CSMD3: variants seen among roughly 807,000 people sequenced by gnomAD.
The protein encoded by CSMD3 is CUB and Sushi multiple domains 3, also known as CUB and sushi domain-containing protein 3.
Under a neutral mutation model 435.2 loss-of-function variants are expected in CSMD3, and 177 were observed. The observed-to-expected ratio is 0.41, with a 90% CI of 0.36 to 0.46. The LOEUF is 0.46. Ranked by LOEUF, CSMD3 falls within the 20% of genes least tolerant of loss-of-function variation. CSMD3 has a pLI of 0.34. For missense variants in CSMD3, 4,265 were observed against 4,504.6 expected (o/e 0.95, Z 1.52); for synonymous variants, 1,656 against 1,520.5 (o/e 1.09, Z -2.07).
chr8:113,409,447 C>T (rs1277979857), intron 1 of CSMD3, among the ~76,000 whole-genome samples: 1 of 151,994 alleles, frequency 6.6e-6, no homozygotes, highest in Non-Finnish European at 1.5e-5. Flanking sequence ...TTTAGGCATG[C>T]CTTTATTCTC....
intron 13 of CSMD3, among the ~76,000 whole-genome samples, chr8:112,771,175 A>G (rs1275537994): frequency 2.6e-5 from 4 of 152,100 alleles, no homozygotes; most frequent in Non-Finnish European, 5.9e-5. Flanking sequence ...TGCAAGGAGA[A>G]AGTCAAACAT....
At chr8:113,125,831 G>A (rs1202154837) in intron 4 of CSMD3, among the ~76,000 whole-genome samples, 4 of 151,804 alleles carry the variant, frequency 2.6e-5, no homozygotes, top group South Asian at 2.1e-4. Context: ...GAGAGGAAAA[G>A]GAGTTATGGA....
At chr8:112,433,767 A>G (rs1814012651) in intron 32 of CSMD3, among the ~76,000 whole-genome samples, 2 of 152,170 alleles carry the variant, frequency 1.3e-5, no homozygotes, top group South Asian at 2.1e-4. Flanking sequence ...AAATGACTAC[A>G]GCAGACTTTT....
At chr8:113,239,951 C>T (rs2132236806) in intron 3 of CSMD3, among the ~76,000 whole-genome samples, 1 of 152,102 alleles carries the variant, frequency 6.6e-6, no homozygotes, top group East Asian at 1.9e-4. Context: ...TTTCATCACC[C>T]ATATATCAAG....
At chr8:113,305,493 T>C (rs2132620106) in intron 2 of CSMD3, among the ~76,000 whole-genome samples, 1 of 152,324 alleles carries the variant, frequency 6.6e-6, no homozygotes, top group Admixed American at 6.5e-5. Flanking sequence ...CTACAAAAGA[T>C]TGAATAAATA....
Position 112,550,681 on chromosome 8 carries a change from A to G in CSMD3, c.4554T>C (p.Ile1518=), listed in dbSNP as rs779875706. 6.3e-7 allele frequency: 1 copy of G among 1,593,564 alleles called. No individual in the cohort carries two copies. Among genetic ancestry groups the G allele is most frequent in the Non-Finnish European group, 8.6e-7 (1 of 1,161,898 alleles). ...TTTGAAAAAACTTACTTGAAAACTG[A>G]ATTGCAAATCCAGATTTGCTAATAT... The part of the protein sequence containing the change: ...DFYISKSGFA[I]QFSSSVATAC... Residue 1518 remains isoleucine, a synonymous_variant, in exon 27 of 71, where the codon ATT becomes ATC. Coordinates refer to ENST00000297405, the MANE Select transcript of CSMD3 (RefSeq NM_198123.2).
At chr8:113,146,635 G>A (rs1221678745) in intron 4 of CSMD3, among the ~76,000 whole-genome samples, 1 of 151,596 alleles carries the variant, frequency 6.6e-6, no homozygotes, top group African/African-American at 2.4e-5. Flanking sequence ...AGGTATGCAA[G>A]CCAGAATGAA....
At chr8:113,150,480 A>G (rs1380781371) in intron 4 of CSMD3, among the ~76,000 whole-genome samples, 3 of 151,954 alleles carry the variant, frequency 2.0e-5, no homozygotes, top group Non-Finnish European at 4.4e-5. Flanking sequence ...AATTCTGACA[A>G]TCAATAATCT....
intron 2 of CSMD3, among the ~76,000 whole-genome samples, chr8:113,284,503 T>C (rs1392246243): frequency 6.6e-6 from 1 of 152,200 alleles, no homozygotes; most frequent in Non-Finnish European, 1.5e-5. Context: ...TTCCCCATGT[T>C]AACCTCAAAA....
intron 36 of CSMD3, among the ~76,000 whole-genome samples, chr8:112,387,524 G>A (rs1372862784): frequency 1.3e-5 from 2 of 149,542 alleles, no homozygotes; most frequent in African/African-American, 4.9e-5. Flanking sequence ...CTATGACTCA[G>A]TGATATGTCT....
At chr8:112,987,816 G>A (rs1237888225) in intron 6 of CSMD3, among the ~76,000 whole-genome samples, 1 of 151,944 alleles carries the variant, frequency 6.6e-6, no homozygotes, top group African/African-American at 2.4e-5. Flanking sequence ...CCCTCGGCAG[G>A]ATTTTCATGC....
At chr8:113,327,432 G>A (rs1231986517) in intron 1 of CSMD3, among the ~76,000 whole-genome samples, 1 of 152,112 alleles carries the variant, frequency 6.6e-6, no homozygotes. Context: ...ATTAATATAA[G>A]GGGTGTTTTT....
At chr8:112,928,245 A>G (rs2082977122) in intron 9 of CSMD3, among the ~76,000 whole-genome samples, 1 of 152,178 alleles carries the variant, frequency 6.6e-6, no homozygotes, top group South Asian at 2.1e-4. Flanking sequence ...GCCCTAGGCA[A>G]GTGCATTAGT....
chr8:113,268,407 C>T lies in CSMD3; in HGVS notation c.514+10185G>A, dbSNP rs567942689. Among the ~76,000 whole-genome samples, 92 of 151,894 alleles carry T rather than the reference C, an allele frequency of 6.1e-4. No homozygotes were observed. The Middle Eastern group carries it at 0.01, about 17-fold the overall frequency. On this transcript the variant is annotated intron_variant, in intron 3 of 70. Transcript: ENST00000297405. ...CATTAAAACATATAAAACCTAAGTT[C>T]TGTGAAACAAACTTTGGGAAATTCA... is the stretch of plus-strand genomic sequence containing the variant.
chr8:112,939,728 G>A (rs2083392248), intron 9 of CSMD3, among the ~76,000 whole-genome samples: 1 of 151,974 alleles, frequency 6.6e-6, no homozygotes, highest in South Asian at 2.1e-4. Context: ...ACCCTTGAAA[G>A]GAGATCAGAT....
intron 19 of CSMD3, among the ~76,000 whole-genome samples, chr8:112,646,408 T>TTG (rs1171860682): frequency 2.6e-5 from 4 of 152,080 alleles, no homozygotes; most frequent in Non-Finnish European, 4.4e-5. Flanking sequence ...ATCTGCGTGT[T>TTG]TGTGTGTGTG....
intron 13 of CSMD3, among the ~76,000 whole-genome samples, chr8:112,775,025 AC>A (rs2078210868): frequency 6.6e-6 from 1 of 151,774 alleles, no homozygotes; most frequent in Admixed American, 6.6e-5. Context: ...AGGATTATAC[AC>A]TGCTTTTTAT....
At chr8:112,317,402 G>A (rs1045371660) in intron 47 of CSMD3, among the ~76,000 whole-genome samples, 16 of 152,118 alleles carry the variant, frequency 1.1e-4, no homozygotes, top group African/African-American at 3.9e-4. Context: ...TTGGAGTCAA[G>A]ACAGAAATGC....
rs1007364733 is a variant in CSMD3 at position 112,718,669 on chromosome 8, A to T, written c.1973-28619T>A. Among the ~76,000 whole-genome samples the T allele has an allele frequency of 3.9e-5, 6 of 151,996 alleles. No homozygotes were observed. The East Asian group carries it at 1.2e-3, about 29-fold the overall frequency. Reference sequence around the variant, plus strand: ...TGAATATTCCTATTTATCTTTTAGGACTTATGTAAGGTGTCTATCCTTGGA... The same window carrying T: ...TGAATATTCCTATTTATCTTTTAGGTCTTATGTAAGGTGTCTATCCTTGGA... On this transcript the variant is annotated intron_variant, in intron 13 of 70. Transcript: ENST00000297405.
Sources: allele counts gnomAD v4.1 joint callset (sites outside exome capture counted in the v4.1 genomes callset), GRCh38; gene constraint gnomAD v4.1.1; transcripts MANE v1.5; gene names NCBI Gene and HGNC (gene_info 2026-07-23, HGNC 2026-07-21).